The following GABRR1 variants were observed in gnomAD, a reference collection of about 807,000 sequenced individuals.
The protein encoded by GABRR1 is gamma-aminobutyric acid receptor subunit rho-1.
A neutral mutation model predicts 55.5 loss-of-function variants in GABRR1; 59 were observed. That is an observed-to-expected ratio of 1.06 (90% CI 0.86 to 1.32). The LOEUF (loss-of-function observed/expected upper bound fraction) is 1.32. GABRR1 is among the 40% of genes most tolerant of loss of function. The probability of loss-of-function intolerance (pLI) is 0.00; values close to 1 mark genes in which losing one functional copy is unlikely to be tolerated. For synonymous variants in GABRR1, 213 were observed against 226.0 expected (o/e 0.94, Z 0.51); for missense variants, 602 against 619.1 (o/e 0.97, Z 0.29).
intron 1 of GABRR1, 94 bp downstream of exon 1, chr6:89,217,107 C>T (rs556081849): frequency 2.5e-5 from 35 of 1,392,072 alleles, no homozygotes; most frequent in Non-Finnish European, 3.1e-5. Flanking sequence ...AAACACCATA[C>T]GCTGGAAATG....
intron 6 of GABRR1, among the ~76,000 whole-genome samples, chr6:89,185,998 T>C (rs540383023): frequency 1.3e-5 from 2 of 152,312 alleles, no homozygotes; most frequent in East Asian, 3.9e-4. Context: ...CAGGGTAAAG[T>C]CGAAGTGAAT....
At chr6:89,216,982 T>C (rs1325019934) in intron 1 of GABRR1, among the ~76,000 whole-genome samples, 1 of 152,138 alleles carries the variant, frequency 6.6e-6, no homozygotes, top group African/African-American at 2.4e-5. Flanking sequence ...ATTTTAAAAA[T>C]GCACTGATAA....
chr6:89,191,855 C>G (rs1324259263), intron 5 of GABRR1, among the ~76,000 whole-genome samples: 1 of 152,116 alleles, frequency 6.6e-6, no homozygotes, highest in Non-Finnish European at 1.5e-5. Flanking sequence ...CAAATGAAGA[C>G]TTCTGCTGTC....
chr6:89,198,114 A>G lies in GABRR1; in HGVS notation c.478T>C (p.Phe160Leu), dbSNP rs376552243. ...ATGAAGGAGCGTTTGGAGTGCACGA[A>G]AAACATGTCAGGGACCCAGATCTTC... ...VKKIWVPDMFFVHSKRSFIHD... is the reference protein window; with the variant it reads ...VKKIWVPDMFLVHSKRSFIHD... Residue 160 changes from phenylalanine to leucine, a missense_variant, in exon 5 of 10, where the codon TTC becomes CTC. Physicochemically the swap from Phe to Leu is conservative, Grantham distance 22. Transcript: ENST00000454853. 3 of 1,614,024 alleles carry G rather than the reference A, an allele frequency of 1.9e-6. No individual in the cohort carries two copies. Among genetic ancestry groups the G allele is most frequent in the African/African-American group, 1.3e-5 (1 of 74,904 alleles).
chr6:89,185,143 C>A (rs1771860998), intron 7 of GABRR1, among the ~76,000 whole-genome samples, 167 bp downstream of exon 7: 1 of 152,114 alleles, frequency 6.6e-6, no homozygotes, highest in Admixed American at 6.5e-5. Context: ...CCTTGGCCTC[C>A]CAAAGTGCTG....
At chr6:89,215,909 A>G (rs1444261319) in intron 1 of GABRR1, among the ~76,000 whole-genome samples, 1 of 152,216 alleles carries the variant, frequency 6.6e-6, no homozygotes, top group African/African-American at 2.4e-5. Flanking sequence ...TTGCCACTCT[A>G]ACTCTGGCTT....
chr6:89,211,338 C>T (rs1186685164), intron 1 of GABRR1, among the ~76,000 whole-genome samples: 1 of 152,158 alleles, frequency 6.6e-6, no homozygotes, highest in Non-Finnish European at 1.5e-5. Context: ...TCTCTTCATC[C>T]TTTGAACCCT....
intron 2 of GABRR1, among the ~76,000 whole-genome samples, chr6:89,202,014 G>A (rs896692702): frequency 2.6e-5 from 4 of 152,110 alleles, no homozygotes; most frequent in African/African-American, 7.2e-5. Flanking sequence ...GTCTGAGCCT[G>A]GTCCCCTGAT....
chr6:89,211,078 AG>A (rs1253648641), intron 1 of GABRR1, among the ~76,000 whole-genome samples: 5 of 152,298 alleles, frequency 3.3e-5, no homozygotes, highest in African/African-American at 9.6e-5. Flanking sequence ...TGCAAGGAGC[AG>A]GGGCAGGTCG....
chr6:89,195,467 A>G (rs557860936), intron 5 of GABRR1, among the ~76,000 whole-genome samples: 5 of 152,140 alleles, frequency 3.3e-5, no homozygotes, highest in Non-Finnish European at 2.9e-5. Flanking sequence ...CGTCTCCAAA[A>G]AAAAAAAAGC....
chr6:89,178,749 A>T lies in GABRR1; in HGVS notation c.*21T>A. ...TGTAGTGCATGCCATGGAAATGTGA[A>T]ATTTGTAGAATTACAAGCATCTAGG... is the stretch of plus-strand genomic sequence containing the variant. On this transcript the variant is annotated 3_prime_UTR_variant, in exon 10 of 10. Transcript: ENST00000454853. 2 of 1,586,568 alleles carry T rather than the reference A, an allele frequency of 1.3e-6. No individual in the cohort carries two copies. The highest frequency in any genetic ancestry group is 1.7e-6 in the Non-Finnish European group (2 of 1,155,480).
chr6:89,205,241 G>A (rs547639958), intron 1 of GABRR1, among the ~76,000 whole-genome samples: 1 of 152,306 alleles, frequency 6.6e-6, no homozygotes, highest in African/African-American at 2.4e-5. Flanking sequence ...CTGGCTCCAG[G>A]GTTGGAAGCA....
intron 1 of GABRR1, among the ~76,000 whole-genome samples, chr6:89,207,692 C>A (rs943463257): frequency 1.3e-5 from 2 of 152,110 alleles, no homozygotes; most frequent in Non-Finnish European, 2.9e-5. Context: ...TGGAATCACC[C>A]GAGGAGCTTA....
intron 1 of GABRR1, among the ~76,000 whole-genome samples, chr6:89,226,544 T>A (rs552024917): frequency 3.3e-5 from 5 of 151,720 alleles, no homozygotes; most frequent in Admixed American, 6.6e-5. Flanking sequence ...TTGCTTGTTT[T>A]CCTCAGGTTT....
chr6:89,184,581 C>T (rs1420811582), intron 7 of GABRR1, among the ~76,000 whole-genome samples: 2 of 152,114 alleles, frequency 1.3e-5, no homozygotes, highest in Non-Finnish European at 2.9e-5. Flanking sequence ...AAGAGTGGAG[C>T]GACCCCACGG....
intron 1 of GABRR1, among the ~76,000 whole-genome samples, chr6:89,223,069 G>T (rs1773137073): frequency 6.6e-6 from 1 of 151,926 alleles, no homozygotes; most frequent in Non-Finnish European, 1.5e-5. Context: ...AATTTCCATA[G>T]GTTTTTGGGG....
intron 3 of GABRR1, 133 bp downstream of exon 3, chr6:89,201,026 G>A: frequency 4.4e-6 from 3 of 677,680 alleles, no homozygotes; most frequent in South Asian, 1.8e-5. Context: ...TGGGCTCGAT[G>A]TCTTGTCCAC....
intron 1 of GABRR1, among the ~76,000 whole-genome samples, chr6:89,208,943 C>A (rs1772738235): frequency 6.6e-6 from 1 of 152,232 alleles, no homozygotes; most frequent in Non-Finnish European, 1.5e-5. Context: ...TTTGACCTAT[C>A]AGCTTCTGTC....
chr6:89,221,224 C>T (rs1186309481), upstream of GABRR1: 1 of 152,426 alleles, frequency 6.6e-6, no homozygotes, highest in Non-Finnish European at 1.5e-5. Context: ...TCAAAAGTCT[C>T]CCTGCCCCAA....
Sources: allele counts gnomAD v4.1 joint callset (sites outside exome capture counted in the v4.1 genomes callset), GRCh38; gene constraint gnomAD v4.1.1; transcripts MANE v1.5; gene names NCBI Gene and HGNC (gene_info 2026-07-23, HGNC 2026-07-21).